FRMD5: variants seen among roughly 807,000 people sequenced by gnomAD.
FRMD5 encodes the protein FERM domain containing 5, also known as FERM domain-containing protein 5.
FRMD5 carries 20 observed loss-of-function variants against 69.0 expected under a neutral mutation model. That is an observed-to-expected ratio of 0.29 (90% CI 0.20 to 0.42). FRMD5 has a LOEUF of 0.42. FRMD5 is among the 10% of genes least tolerant of loss of function. The pLI is 1.00. For missense variants in FRMD5, 595 were observed against 708.6 expected, an observed-to-expected ratio of 0.84 and a Z score of 1.82; for synonymous variants, 271 against 260.1, an observed-to-expected ratio of 1.04 and a Z score of -0.40.
At chr15:44,006,514 T>TAGTG (rs1890456777) in intron 1 of FRMD5, among the ~76,000 whole-genome samples, 1 of 152,220 alleles carries the variant, frequency 6.6e-6, no homozygotes, top group Non-Finnish European at 1.5e-5. Context: ...GCTGCATGAA[T>TAGTG]AGTGATTCCT....
chr15:43,968,141 A>G (rs550858356), intron 1 of FRMD5, among the ~76,000 whole-genome samples: 8 of 152,252 alleles, frequency 5.3e-5, no homozygotes, highest in Admixed American at 3.3e-4. Flanking sequence ...GAACTCCCAC[A>G]TACTTATCAT....
intron 1 of FRMD5, among the ~76,000 whole-genome samples, chr15:44,153,741 G>A (rs1365257492): frequency 6.6e-6 from 1 of 152,202 alleles, no homozygotes; most frequent in Non-Finnish European, 1.5e-5. Flanking sequence ...GGCCCAGGCG[G>A]GTGAATCACC....
chr15:43,909,991 A>T lies in FRMD5; in HGVS notation c.330-12T>A. ...GGAAGACTAAATACCTGGAGAGAAA[A>T]CAGAGAATAAACTATAAAGGATTTC... On this transcript the variant is annotated splice_polypyrimidine_tract_variant and intron_variant, in intron 4 of 13. Transcript: ENST00000417257. 6.9e-7 allele frequency: 1 copy of T among 1,443,084 alleles called. No individual in the cohort carries two copies. The highest frequency in any genetic ancestry group is 9.7e-7 in the Non-Finnish European group (1 of 1,026,124). The allele number at this position is 1,443,084 out of a possible 1,614,324, so 89.4% of individuals were successfully genotyped here. A position where few individuals can be genotyped will look rare whatever the true frequency, so the allele number is the denominator to read the frequency against.
chr15:44,008,355 C>A (rs1194370183), intron 1 of FRMD5, among the ~76,000 whole-genome samples: 1 of 152,048 alleles, frequency 6.6e-6, no homozygotes, highest in African/African-American at 2.4e-5. Context: ...TCTCTGCCTC[C>A]TGGGTTCAAG....
intron 1 of FRMD5, among the ~76,000 whole-genome samples, chr15:43,931,054 A>C (rs1408760778): frequency 6.6e-6 from 1 of 152,220 alleles, no homozygotes; most frequent in Non-Finnish European, 1.5e-5. Flanking sequence ...AAGGTGTCTC[A>C]TTTCTATATG....
chr15:43,907,804 C>T (rs533457157), intron 5 of FRMD5, among the ~76,000 whole-genome samples: 7 of 152,068 alleles, frequency 4.6e-5, no homozygotes, highest in African/African-American at 1.2e-4. Context: ...CCGTGCCAGG[C>T]CTAATTTTTA....
intron 1 of FRMD5, among the ~76,000 whole-genome samples, chr15:44,147,741 T>C (rs1385788966): frequency 1.3e-5 from 2 of 152,300 alleles, no homozygotes; most frequent in East Asian, 3.9e-4. Context: ...TGGAGTCTAC[T>C]GAAGGCTTCC....
intron 1 of FRMD5, among the ~76,000 whole-genome samples, chr15:44,028,043 T>A (rs1462350094): frequency 6.6e-6 from 1 of 152,108 alleles, no homozygotes; most frequent in Non-Finnish European, 1.5e-5. Context: ...CTAACATCAA[T>A]GGGGCAAGGA....
intron 1 of FRMD5, among the ~76,000 whole-genome samples, chr15:44,164,346 A>G (rs932349888): frequency 6.6e-6 from 1 of 152,158 alleles, no homozygotes; most frequent in African/African-American, 2.4e-5. Flanking sequence ...TCACTTAACA[A>G]CACTGACTAC....
intron 1 of FRMD5, among the ~76,000 whole-genome samples, chr15:44,011,804 G>T (rs1890733693): frequency 6.6e-6 from 1 of 152,160 alleles, no homozygotes; most frequent in South Asian, 2.1e-4. Context: ...CACAAAGCAA[G>T]AAAGAGGCTC....
intron 1 of FRMD5, among the ~76,000 whole-genome samples, chr15:44,050,696 C>T (rs1310464644): frequency 2.7e-5 from 4 of 150,176 alleles, no homozygotes; most frequent in African/African-American, 4.9e-5. Flanking sequence ...CTCGCTCTGT[C>T]GCCCAGGCTG....
chr15:43,943,514 A>C (rs2089896082), intron 1 of FRMD5, among the ~76,000 whole-genome samples: 1 of 152,244 alleles, frequency 6.6e-6, no homozygotes, highest in Admixed American at 6.5e-5. Flanking sequence ...ACAGAACCTT[A>C]GAATGTGACC....
chr15:43,971,037 C>T (rs778064300), intron 1 of FRMD5, among the ~76,000 whole-genome samples: 6 of 151,810 alleles, frequency 4.0e-5, no homozygotes, highest in East Asian at 1.9e-4. Flanking sequence ...ATCACCTGGC[C>T]AACATGGTGA....
intron 13 of FRMD5, among the ~76,000 whole-genome samples, chr15:43,879,267 A>G (rs1434221134): frequency 6.6e-6 from 1 of 152,098 alleles, no homozygotes; most frequent in Admixed American, 6.5e-5. Context: ...ATGCCTGACA[A>G]ATACAGTTGC....
chr15:44,058,346 C>T (rs1212720117), intron 1 of FRMD5, among the ~76,000 whole-genome samples: 1 of 152,096 alleles, frequency 6.6e-6, no homozygotes, highest in African/African-American at 2.4e-5. Flanking sequence ...AGACCGGAAG[C>T]TGGGGAACTG....
intron 1 of FRMD5, among the ~76,000 whole-genome samples, chr15:43,948,088 C>T (rs972874733): frequency 1.3e-5 from 2 of 152,166 alleles, no homozygotes; most frequent in Admixed American, 1.3e-4. Context: ...GTACCACAAT[C>T]CCGCCCACTT....
chr15:43,898,838 T>C (rs1285275553), intron 7 of FRMD5, among the ~76,000 whole-genome samples: 2 of 152,162 alleles, frequency 1.3e-5, no homozygotes, highest in Admixed American at 6.5e-5. Context: ...TTTTGGAATT[T>C]GGGTATTAGC....
chr15:44,113,593 CAATTA>C (rs2076829081), intron 1 of FRMD5, among the ~76,000 whole-genome samples: 1 of 152,156 alleles, frequency 6.6e-6, no homozygotes, highest in Admixed American at 6.5e-5. Flanking sequence ...TTTAAATGCA[CAATTA>C]AATTATTATT....
intron 10 of FRMD5, among the ~76,000 whole-genome samples, 178 bp from the exon 11 acceptor site, chr15:43,885,933 C>T (rs755900161): frequency 1.3e-5 from 2 of 152,166 alleles, no homozygotes; most frequent in Non-Finnish European, 2.9e-5. Context: ...CAGCCAGCTG[C>T]TCTCCTGCCT....
Sources: gnomAD v4.1 joint callset for allele counts (sites outside exome capture counted in the v4.1 genomes callset) on GRCh38, gnomAD v4.1.1 for gene constraint, MANE v1.5 for transcripts, NCBI Gene and HGNC (gene_info 2026-07-23, HGNC 2026-07-21) for gene names.